Variants in KNDC1 observed in about 807,000 individuals in gnomAD.
KNDC1 encodes the protein kinase non-catalytic C-lobe domain containing 1, also known as kinase non-catalytic C-lobe domain-containing protein 1.
A neutral mutation model predicts 172.8 loss-of-function variants in KNDC1; 106 were observed. The ratio of observed to expected loss-of-function variants is 0.61; its 90% CI spans 0.52 to 0.72. The LOEUF (loss-of-function observed/expected upper bound fraction) is 0.72. Among genes scored for constraint, KNDC1 ranks in the 30% least tolerant of loss-of-function variants. The pLI is 0.00. For missense variants in KNDC1, 2,325 were observed against 2,394.5 expected, an observed-to-expected ratio of 0.97 and a Z score of 0.61; for synonymous variants, 1,083 against 1,062.2, an observed-to-expected ratio of 1.02 and a Z score of -0.38.
intron 3 of KNDC1, among the ~76,000 whole-genome samples, chr10:133,179,638 A>G (rs941878239): frequency 1.3e-5 from 2 of 152,144 alleles, no homozygotes; most frequent in Non-Finnish European, 2.9e-5. Flanking sequence ...CAGGAATCGC[A>G]TCTCGTGGGG....
Position 133,210,600 on chromosome 10 carries a change from C to T in KNDC1, c.3795-11C>T. The stretch of plus-strand genomic sequence containing the variant: ...CCCCACCACCTCACCGCCGCCCGCC[C>T]CGCCCCACAGTGATGCCTTCCTGGA... On this transcript the variant is annotated splice_polypyrimidine_tract_variant and intron_variant, in intron 20 of 29. Coordinates refer to ENST00000304613, the MANE Select transcript of KNDC1 (RefSeq NM_152643.8). 2 of 1,592,804 alleles carry T rather than the reference C, an allele frequency of 1.3e-6. No individual in the cohort carries two copies. Among genetic ancestry groups the T allele is most frequent in the East Asian group, 2.2e-5 (1 of 44,782 alleles).
At chr10:133,207,926 C>T (rs988951036) in intron 20 of KNDC1, among the ~76,000 whole-genome samples, 1 of 152,188 alleles carries the variant, frequency 6.6e-6, no homozygotes, top group African/African-American at 2.4e-5. Context: ...GGCCCTTCAC[C>T]CACTCTGGCC....
rs765216557 is a variant in KNDC1 at position 133,207,356 on chromosome 10, G to A, written c.3794+5G>A. 3.0e-5 allele frequency: 49 copies of A among 1,611,368 alleles called. No individual in the cohort carries two copies. Among genetic ancestry groups the A allele is most frequent in the Middle Eastern group, 1.6e-4 (1 of 6,072 alleles). ...CATGGCCTACCTGTACTCCAGGTGC[G>A]TTGGGAGAAAAGCTCACCCGGAAAA... On this transcript the variant is annotated splice_donor_5th_base_variant and intron_variant, in intron 20 of 29. Coordinates refer to ENST00000304613, the MANE Select transcript of KNDC1 (RefSeq NM_152643.8).
chr10:133,215,452 C>G (rs954512436), intron 26 of KNDC1, among the ~76,000 whole-genome samples: 1 of 152,248 alleles, frequency 6.6e-6, no homozygotes, highest in Non-Finnish European at 1.5e-5. Context: ...AACTTTCCAA[C>G]TTTGGGGATT....
In KNDC1 at chr10:133,160,412, G is replaced by T. The variant is rs1378303214; in HGVS notation, c.-56G>T. On this transcript the variant is annotated 5_prime_UTR_variant, in exon 1 of 30. Coordinates refer to ENST00000304613, the MANE Select transcript of KNDC1 (RefSeq NM_152643.8). ...CCATGGAGCCAGGGCGCGCGTAGCC[G>T]AGCCCAGCCCAGCCCAGCCGGAGGC... 1.6e-5 allele frequency: 18 copies of T among 1,144,812 alleles called. No individual in the cohort carries two copies. Among genetic ancestry groups the T allele is most frequent in the South Asian group, 9.3e-5 (4 of 42,840 alleles). The allele number at this position is 1,144,812 out of a possible 1,614,324, so 70.9% of individuals were successfully genotyped here.
In KNDC1 at chr10:133,167,313, T is replaced by C. The variant is rs146726424; in HGVS notation, c.103-68T>C. On this transcript the variant is annotated intron_variant, in intron 1 of 29. Coordinates refer to ENST00000304613, the MANE Select transcript of KNDC1 (RefSeq NM_152643.8). ...AGTCGTCCGTTTCCCCAGGGAATCG[T>C]CTCGGTGGGGGTGCCGGGGCCTGGC... is the stretch of plus-strand genomic sequence containing the variant. 4.3e-4 allele frequency: 620 copies of C among 1,451,092 alleles called. 3 individuals carry two copies. The African/African-American group carries it at 8.1e-3, about 19-fold the overall frequency. 89.9% of individuals were successfully genotyped at this position (1,451,092 alleles called of 1,614,324 possible).
At chr10:133,169,038 T>C (rs1853284243) in intron 3 of KNDC1, among the ~76,000 whole-genome samples, 1 of 152,212 alleles carries the variant, frequency 6.6e-6, no homozygotes, top group Admixed American at 6.5e-5. Flanking sequence ...CATTGGTGGT[T>C]CCTACTGTCA....
At chr10:133,220,262 C>G (rs1212124581) in intron 29 of KNDC1, 150 bp downstream of exon 29, 1 of 235,800 alleles carries the variant, frequency 4.2e-6, no homozygotes, top group African/African-American at 4.3e-5. Context: ...CTCAGGCGGG[C>G]GCGCGCCCAG....
chr10:133,214,148 A>G (rs762831140), intron 26 of KNDC1, 26 bp downstream of exon 26: 2 of 1,612,016 alleles, frequency 1.2e-6, no homozygotes, highest in Non-Finnish European at 1.7e-6. Flanking sequence ...TTCCGAGGCC[A>G]ACACGGGGCG....
rs772569236 is a variant in KNDC1 at position 133,200,480 on chromosome 10, C to G, written c.2989+20C>G. 1 of 1,501,896 alleles carries G rather than the reference C, an allele frequency of 6.7e-7. No individual in the cohort carries two copies. The highest frequency in any genetic ancestry group is 8.9e-7 in the Non-Finnish European group (1 of 1,125,314). 93.0% of individuals were successfully genotyped at this position (1,501,896 alleles called of 1,614,324 possible). On this transcript the variant is annotated intron_variant, in intron 16 of 29. Transcript: ENST00000304613. ...GCCTGGGTAAGTGCTGGGCGGGCCC[C>G]GCGGCAGGAGCTCTGCTGGGCGGCT...
chr10:133,224,779 C>T lies in KNDC1; in HGVS notation c.5139C>T (p.Asp1713=), dbSNP rs751446984. 4 of 1,613,998 alleles carry T rather than the reference C, an allele frequency of 2.5e-6. No homozygotes were observed. Among genetic ancestry groups the T allele is most frequent in the Admixed American group, 3.3e-5 (2 of 60,006 alleles). Residue 1713 remains aspartate, a synonymous_variant, in exon 30 of 30, where the codon GAC becomes GAT. Coordinates refer to ENST00000304613, the MANE Select transcript of KNDC1 (RefSeq NM_152643.8). This position sits in a 1 kb window ranked among gnomAD's most constrained non-coding sequence, Gnocchi z 5.4. ...GGATTGCCCGCTTCAGCGGTGCCGACATTTCCACACTCGCCGCAGATAGCA... is the reference window on the plus strand; with the variant it reads ...GGATTGCCCGCTTCAGCGGTGCCGATATTTCCACACTCGCCGCAGATAGCA... ...KQRIARFSGA[D]ISTLAADSRA...
rs1196613149 is a variant in KNDC1 at position 133,225,136 on chromosome 10, A to C, written c.*246A>C. 3 of 508,038 alleles carry C rather than the reference A, an allele frequency of 5.9e-6. No individual in the cohort carries two copies. The highest frequency in any genetic ancestry group is 3.5e-5 in the Admixed American group (1 of 28,468). 31.5% of individuals were successfully genotyped at this position (508,038 alleles called of 1,614,324 possible). On this transcript the variant is annotated 3_prime_UTR_variant, in exon 30 of 30. Transcript: ENST00000304613. ...AGGTTTGCGTGTTTCTGCTAGAATT[A>C]AAAAGTTAAATTTAAAAATGAAAAT... is the stretch of plus-strand genomic sequence containing the variant.
chr10:133,210,627 G>A lies in KNDC1; in HGVS notation c.3811G>A (p.Gly1271Ser). The change falls in exon 21 of 30, where the codon GGT (glycine) becomes AGT (serine). Residue 1271 changes from glycine (G) to serine (S), a missense_variant. Coordinates refer to ENST00000304613, the MANE Select transcript of KNDC1 (RefSeq NM_152643.8). ...GCCCCACAGTGATGCCTTCCTGGAG[G>A]GTTATGTGCAGCAATTCCTCTACAC... ...YLYSSDAFLE[G>S]YVQQFLYTFR... is the part of the protein sequence containing the mutation. The A allele has an allele frequency of 6.2e-7, 1 of 1,613,348 alleles. No homozygotes were observed. Among genetic ancestry groups the A allele is most frequent in the Non-Finnish European group, 8.5e-7 (1 of 1,179,414 alleles).
intron 11 of KNDC1, 71 bp downstream of exon 11, chr10:133,197,206 C>A: frequency 1.6e-6 from 2 of 1,243,146 alleles, no homozygotes; most frequent in East Asian, 2.5e-5. Context: ...CGCACTTGCC[C>A]TTGCCTGGCC....
Position 133,186,430 on chromosome 10 carries a change from G to T in KNDC1, c.1082G>T (p.Cys361Phe), listed in dbSNP as rs776146279. The part of the protein sequence containing the change: ...GLSSFQAQPK[C>F]RLWPEQEPEH... ...TCTAGCTTCCAGGCTCAGCCCAAATGCAGGCTGTGGCCGGAGCAGGAGCCG... is the reference window on the plus strand; with the variant it reads ...TCTAGCTTCCAGGCTCAGCCCAAATTCAGGCTGTGGCCGGAGCAGGAGCCG... Residue 361 changes from cysteine to phenylalanine, a missense_variant, in exon 6 of 30, where the codon TGC becomes TTC. Cys to Phe is a radical substitution (Grantham distance 205). Transcript: ENST00000304613. 4.0e-5 allele frequency: 65 copies of T among 1,612,566 alleles called. No individual in the cohort carries two copies. Among genetic ancestry groups the T allele is most frequent in the Non-Finnish European group, 5.4e-5 (64 of 1,179,906 alleles).
In KNDC1 at chr10:133,210,872, G is replaced by A. The variant is rs970940048; in HGVS notation, c.3908+148G>A. The A allele has an allele frequency of 1.2e-4, 89 of 717,356 alleles. No individual in the cohort carries two copies. The Admixed American group carries it at 1.6e-3, about 13-fold the overall frequency. The allele number at this position is 717,356 out of a possible 1,614,324, so 44.4% of individuals were successfully genotyped here. ...GCCAGGGAAGCCTGGCTGGAGGTCC[G>A]GCTGGAGGTGGAGGACACACAGGGA... On this transcript the variant is annotated intron_variant, in intron 21 of 29. Transcript: ENST00000304613.
chr10:133,176,884 G>A (rs1263937406), intron 3 of KNDC1, among the ~76,000 whole-genome samples: 1 of 152,256 alleles, frequency 6.6e-6, no homozygotes, highest in Non-Finnish European at 1.5e-5. Context: ...CCACTCTGCA[G>A]GAACACTGTC....
intron 6 of KNDC1, among the ~76,000 whole-genome samples, chr10:133,187,949 C>T (rs1415619474): frequency 2.3e-5 from 3 of 132,418 alleles, no homozygotes; most frequent in South Asian, 2.2e-4. Flanking sequence ...CACCCCGTCC[C>T]ACCCTTCCCC....
chr10:133,200,376 A>ACGGC lies in KNDC1; in HGVS notation c.2908_2911dup (p.Glu971GlyfsTer80), dbSNP rs1198304623. The ACGGC allele has an allele frequency of 1.6e-5, 26 of 1,587,030 alleles. No individual in the cohort carries two copies. Among genetic ancestry groups the ACGGC allele is most frequent in the Non-Finnish European group, 1.8e-5 (21 of 1,168,004 alleles). On this transcript the variant is annotated frameshift_variant and splice_region_variant, in exon 16 of 30. Coordinates refer to ENST00000304613, the MANE Select transcript of KNDC1 (RefSeq NM_152643.8). LOFTEE classifies it high-confidence loss of function. ...ACTGACCTGCATTCTCGTCGTCAGCACGGCCGAGGAGGCTGGGTCACAGCT... is the reference window on the plus strand; with the variant it reads ...ACTGACCTGCATTCTCGTCGTCAGCACGGCCGGCCGAGGAGGCTGGGTCACAGCT...
Sources: gnomAD v4.1 joint callset for allele counts (sites outside exome capture counted in the v4.1 genomes callset) on GRCh38, gnomAD v4.1.1 for gene constraint, Gnocchi (gnomAD v3.1) non-coding constraint, MANE v1.5 for transcripts, NCBI Gene and HGNC (gene_info 2026-07-23, HGNC 2026-07-21) for gene names.